CCDC30: variants seen among roughly 807,000 people sequenced by gnomAD.
CCDC30 encodes the protein coiled-coil domain-containing protein 30.
A neutral mutation model predicts 100.2 loss-of-function variants in CCDC30; 70 were observed. The ratio of observed to expected loss-of-function variants is 0.70; its 90% CI spans 0.58 to 0.85. The LOEUF (loss-of-function observed/expected upper bound fraction) is 0.85. Among genes scored for constraint, CCDC30 ranks in the 40% least tolerant of loss-of-function variants. The pLI, the probability that CCDC30 is intolerant of heterozygous loss-of-function variation, is 0.00. For synonymous variants in CCDC30, 233 were observed against 269.5 expected (o/e 0.86, Z 1.33); for missense variants, 652 against 771.2 (o/e 0.85, Z 1.83).
chr1:42,489,465 TAA>T (rs1191067874), intron 3 of CCDC30, among the ~76,000 whole-genome samples: 1 of 152,206 alleles, frequency 6.6e-6, no homozygotes, highest in Non-Finnish European at 1.5e-5. Flanking sequence ...GATGTAATAA[TAA>T]AACCTTCACA....
chr1:42,537,206 C>T (rs1364706921), intron 6 of CCDC30: 4 of 456,066 alleles, frequency 8.8e-6, no homozygotes, highest in Non-Finnish European at 1.8e-5. Context: ...ATGGGCTTAT[C>T]GCTCGTTTTA....
At chr1:42,654,049 A>C (rs1305372922) in exon 17 of CCDC30, 1 of 1,571,018 alleles carries the variant, frequency 6.4e-7, no homozygotes, top group Non-Finnish European at 8.8e-7. Flanking sequence ...GCCTAAAGCT[A>C]TACTGAACAA....
intron 6 of CCDC30, among the ~76,000 whole-genome samples, chr1:42,524,705 A>G (rs6691571): frequency 0.21 from 32,682 of 152,138 alleles, 3,740 homozygotes; most frequent in South Asian, 0.42. Flanking sequence ...ACAGGGGTGG[A>G]GGAGAGGAGA....
At chr1:42,501,073 C>CA (rs886085236) in intron 6 of CCDC30, among the ~76,000 whole-genome samples, 1 of 152,076 alleles carries the variant, frequency 6.6e-6, no homozygotes, top group Non-Finnish European at 1.5e-5. Flanking sequence ...TGATAGGACA[C>CA]AAAAAGCCTA....
intron 7 of CCDC30, among the ~76,000 whole-genome samples, chr1:42,570,123 A>G (rs1427544846): frequency 6.6e-6 from 1 of 152,232 alleles, no homozygotes; most frequent in Non-Finnish European, 1.5e-5. Context: ...CTTAAAGTAT[A>G]ATTTAAAACT....
At chr1:42,646,190 T>G (rs756463613) in exon 15 of CCDC30, 2 of 1,598,244 alleles carry the variant, frequency 1.3e-6, no homozygotes, top group South Asian at 2.2e-5. Flanking sequence ...CTGGCTTCTC[T>G]CCCTCCAACA....
chr1:42,568,518 G>C (rs79586713), intron 7 of CCDC30, among the ~76,000 whole-genome samples: 20,623 of 152,136 alleles, frequency 0.14, 1,536 homozygotes, highest in East Asian at 0.17. Context: ...TATAGAGTCA[G>C]AACTTGTCAA....
intron 6 of CCDC30, among the ~76,000 whole-genome samples, chr1:42,559,865 T>C (rs928433396): frequency 2.0e-5 from 3 of 152,198 alleles, no homozygotes; most frequent in Non-Finnish European, 2.9e-5. Context: ...ATGGCACTTA[T>C]TCTAAAATCG....
intron 15 of CCDC30, among the ~76,000 whole-genome samples, chr1:42,649,090 T>C (rs1236973957): frequency 6.6e-6 from 1 of 152,138 alleles, no homozygotes; most frequent in African/African-American, 2.4e-5. Context: ...CAGAACCTGC[T>C]GGATTCACTC....
intron 6 of CCDC30, among the ~76,000 whole-genome samples, chr1:42,530,080 C>T (rs1644783531): frequency 6.6e-6 from 1 of 152,174 alleles, no homozygotes; most frequent in South Asian, 2.1e-4. Flanking sequence ...TCAGCCTGCT[C>T]CTGACATGCA....
rs992073977 is a variant in CCDC30 at position 42,511,170 on chromosome 1, A to G, written c.456+12254A>G. Among the ~76,000 whole-genome samples the G allele has an allele frequency of 5.3e-5, 8 of 152,132 alleles. No homozygotes were observed. The South Asian group carries it at 1.7e-3, about 32-fold the overall frequency. On this transcript the variant is annotated intron_variant, in intron 6 of 16. Transcript: ENST00000668663. ...GTTCCTGGGTCCCAGCACCTTGTTA[A>G]ATGTGCCACTCATGGTTGCGGGCAT...
chr1:42,630,373 T>G (rs1647014210), intron 11 of CCDC30, among the ~76,000 whole-genome samples: 1 of 151,996 alleles, frequency 6.6e-6, no homozygotes, highest in Admixed American at 6.6e-5. Flanking sequence ...GTATTTACTT[T>G]TCTTTTTCTT....
intron 6 of CCDC30, among the ~76,000 whole-genome samples, chr1:42,526,667 T>G (rs1644728943): frequency 6.6e-6 from 1 of 152,220 alleles, no homozygotes; most frequent in Non-Finnish European, 1.5e-5. Context: ...TTTTTTTATT[T>G]TTTATGTGAA....
At chr1:42,624,341 C>T (rs1167427697) in intron 11 of CCDC30, among the ~76,000 whole-genome samples, 1 of 152,110 alleles carries the variant, frequency 6.6e-6, no homozygotes, top group Non-Finnish European at 1.5e-5. Flanking sequence ...TATGATGTAT[C>T]ACATCATTTG....
intron 7 of CCDC30, chr1:42,569,016 CT>C (rs1432249876): frequency 3.3e-5 from 5 of 151,450 alleles, no homozygotes; most frequent in Admixed American, 2.6e-4. Flanking sequence ...ACTTATGAGA[CT>C]AAGAAACAAA....
chr1:42,520,313 C>G (rs560084142), intron 6 of CCDC30, among the ~76,000 whole-genome samples: 6 of 151,190 alleles, frequency 4.0e-5, no homozygotes, highest in African/African-American at 1.5e-4. Context: ...TTTCATTGAT[C>G]TTTAAGTATT....
chr1:42,477,062 A>G (rs1296858330), intron 1 of CCDC30, among the ~76,000 whole-genome samples: 1 of 150,944 alleles, frequency 6.6e-6, no homozygotes, highest in Admixed American at 6.6e-5. Flanking sequence ...TTGCATTTTA[A>G]GAGTTTTCTT....
At chr1:42,517,857 T>A (rs1259648127) in intron 6 of CCDC30, among the ~76,000 whole-genome samples, 2 of 152,236 alleles carry the variant, frequency 1.3e-5, no homozygotes, top group African/African-American at 4.8e-5. Flanking sequence ...ATTATGACAC[T>A]GTTTTGAACA....
intron 10 of CCDC30, among the ~76,000 whole-genome samples, chr1:42,600,842 T>C (rs1211609314): frequency 6.6e-6 from 1 of 151,840 alleles, no homozygotes. Context: ...TCTTGCTCTC[T>C]CCCTCCCTCC....
Sources: gnomAD v4.1 joint callset for allele counts (sites outside exome capture counted in the v4.1 genomes callset) on GRCh38, gnomAD v4.1.1 for gene constraint, MANE v1.5 for transcripts, NCBI Gene and HGNC (gene_info 2026-07-23, HGNC 2026-07-21) for gene names.